Variants in CDK12 observed in about 807,000 individuals in gnomAD.
The protein encoded by CDK12 is cyclin-dependent kinase 12.
Under a neutral mutation model 133.8 loss-of-function variants are expected in CDK12, and 17 were observed. That is an observed-to-expected ratio of 0.13 (90% CI 0.09 to 0.19). The LOEUF is 0.19. Ranked by LOEUF, CDK12 falls within the 10% of genes least tolerant of loss-of-function variation. The probability of loss-of-function intolerance (pLI) is 1.00; values close to 1 mark genes in which losing one functional copy is unlikely to be tolerated. For synonymous variants in CDK12, 694 were observed against 683.6 expected, an observed-to-expected ratio of 1.02 and a Z score of -0.24; for missense variants, 1,508 against 1,818.7, an observed-to-expected ratio of 0.83 and a Z score of 3.11.
At chr17:39,530,446 A>G in intron 13 of CDK12, 158 bp from the exon 14 acceptor site, 1 of 1,057,768 alleles carries the variant, frequency 9.5e-7, no homozygotes, top group Non-Finnish European at 1.3e-6. Flanking sequence ...TAATCACTTG[A>G]TTTATTTATA....
At chr17:39,475,753 G>A (rs1005223049) in intron 2 of CDK12, among the ~76,000 whole-genome samples, 1 of 151,548 alleles carries the variant, frequency 6.6e-6, no homozygotes, top group African/African-American at 2.4e-5. Context: ...CACCATGTTG[G>A]CCAGGCTGGT....
chr17:39,513,789 GAA>G (rs1339942202), intron 8 of CDK12, among the ~76,000 whole-genome samples: 1 of 152,160 alleles, frequency 6.6e-6, no homozygotes, highest in Non-Finnish European at 1.5e-5. Flanking sequence ...GTTTTGATGT[GAA>G]CTTACTACTT....
In CDK12 at chr17:39,472,535, G is replaced by A. The variant is rs61229418; in HGVS notation, c.1931+772G>A. ...CTAAAGATACAAAAATTAGCTGGGC[G>A]TGGTGGTGGGCCCCTGTAATCCCAG... On this transcript the variant is annotated intron_variant, in intron 2 of 13. Transcript: ENST00000447079. Among the ~76,000 whole-genome samples, 6 of 151,778 alleles carry A rather than the reference G, an allele frequency of 4.0e-5. No homozygotes were observed. In the South Asian group the frequency reaches 1.3e-3, roughly 32 times the overall value.
At chr17:39,517,595 G>C in intron 10 of CDK12, 39 bp downstream of exon 10, 1 of 1,266,648 alleles carries the variant, frequency 7.9e-7, no homozygotes, top group East Asian at 2.3e-5. Flanking sequence ...TTCTGTGTCT[G>C]GCTGGTGTTG....
chr17:39,498,874 T>C (rs940912727), intron 5 of CDK12, among the ~76,000 whole-genome samples: 1 of 414 alleles, frequency 2.4e-3, no homozygotes, highest in African/African-American at 5.7e-3. Flanking sequence ...TATGATTTTC[T>C]CTTTCTTTCT....
At chr17:39,558,495 T>A (rs1003670697) in intron 3 of CDK12, among the ~76,000 whole-genome samples, 1 of 152,192 alleles carries the variant, frequency 6.6e-6, no homozygotes, top group Non-Finnish European at 1.5e-5. Context: ...TTTTTTAAAG[T>A]ATGTTTAAAG....
intron 2 of CDK12, among the ~76,000 whole-genome samples, chr17:39,478,841 A>T (rs573451270): frequency 1.3e-5 from 2 of 151,524 alleles, no homozygotes; most frequent in African/African-American, 4.8e-5. Context: ...TGAGATGAGG[A>T]TGTCTTCCAT....
chr17:39,476,436 TGAGATG>T (rs1177901338), intron 2 of CDK12, among the ~76,000 whole-genome samples: 1 of 151,988 alleles, frequency 6.6e-6, no homozygotes, highest in Non-Finnish European at 1.5e-5. Flanking sequence ...ATTTATTTTT[TGAGATG>T]GAATTTTTGC....
intron 1 of CDK12, among the ~76,000 whole-genome samples, chr17:39,541,621 C>T (rs1003997001): frequency 7.6e-6 from 1 of 131,430 alleles, no homozygotes; most frequent in Non-Finnish European, 1.7e-5. Context: ...TCCCAAAGTG[C>T]TGGGATTACA....
chr17:39,490,693 GC>G lies in CDK12; in HGVS notation c.2069del (p.Ala690GlufsTer63). The G allele has an allele frequency of 6.2e-7, 1 of 1,613,392 alleles. No individual in the cohort carries two copies. The highest frequency in any genetic ancestry group is 2.2e-5 in the East Asian group (1 of 44,860). On this transcript the variant is annotated frameshift_variant, in exon 3 of 14. Transcript: ENST00000447079. LOFTEE classifies it high-confidence loss of function. ...LSPPDSPEPK[A>X]ITPPQQPYKK... is the part of the protein sequence containing the mutation. ...TCCCCCAGACTCTCCAGAACCAAAG[GC>G]AATCACACCACCTCAGCAACCATAT...
Position 39,461,998 on chromosome 17 carries a change from T to A in CDK12, c.-74T>A. 1.0e-6 allele frequency: 1 copy of A among 962,732 alleles called. No homozygotes were observed. The highest frequency in any genetic ancestry group is 1.6e-5 in the South Asian group (1 of 61,482). The allele number at this position is 962,732 out of a possible 1,614,324, so 59.6% of individuals were successfully genotyped here. ...GCTTTGGTGGGCGTGGAGTTGGGGT[T>A]GGGGGGGTGGGTGGGGGTTGCTTTT... On this transcript the variant is annotated 5_prime_UTR_variant, in exon 1 of 14. Coordinates refer to ENST00000447079, the MANE Select transcript of CDK12 (RefSeq NM_016507.4).
In CDK12 at chr17:39,461,899, A is replaced by T; in HGVS notation, c.-173A>T. ...CTCCTTCACCCCCCACCTCATGTAGAAGGGTGCTGAGGCGTCGGGAGGGAG... is the reference window on the plus strand; with the variant it reads ...CTCCTTCACCCCCCACCTCATGTAGTAGGGTGCTGAGGCGTCGGGAGGGAG... On this transcript the variant is annotated 5_prime_UTR_variant, in exon 1 of 14. Coordinates refer to ENST00000447079, the MANE Select transcript of CDK12 (RefSeq NM_016507.4). The T allele has an allele frequency of 1.7e-6, 1 of 604,352 alleles. No individual in the cohort carries two copies. Among genetic ancestry groups the T allele is most frequent in the Non-Finnish European group, 3.0e-6 (1 of 337,648 alleles). The allele number at this position is 604,352 out of a possible 1,614,324, so 37.4% of individuals were successfully genotyped here. A position where few individuals can be genotyped will look rare whatever the true frequency, so the allele number is the denominator to read the frequency against.
At chr17:39,468,354 G>A (rs1425419707) in intron 1 of CDK12, among the ~76,000 whole-genome samples, 1 of 152,146 alleles carries the variant, frequency 6.6e-6, no homozygotes, top group South Asian at 2.1e-4. Flanking sequence ...CTATATGTCA[G>A]TCTTACCATA....
downstream of CDK12, among the ~76,000 whole-genome samples, chr17:39,536,947 G>T (rs1305022036): frequency 1.3e-5 from 2 of 152,146 alleles, no homozygotes; most frequent in African/African-American, 4.8e-5. Flanking sequence ...ACCTGTAAAT[G>T]GATGGACTTT....
downstream of CDK12, among the ~76,000 whole-genome samples, chr17:39,538,829 G>A (rs1295004114): frequency 6.6e-6 from 1 of 152,132 alleles, no homozygotes; most frequent in Non-Finnish European, 1.5e-5. Context: ...AACCCAGGAG[G>A]TGGAGGTTGC....
At chr17:39,522,468 T>C (rs1441153927) in intron 11 of CDK12, among the ~76,000 whole-genome samples, 2 of 150,006 alleles carry the variant, frequency 1.3e-5, no homozygotes, top group East Asian at 4.0e-4. Context: ...GGTCTCTCAC[T>C]CTGTCACCCA....
At chr17:39,479,878 T>A (rs2050497992) in intron 2 of CDK12, among the ~76,000 whole-genome samples, 1 of 151,268 alleles carries the variant, frequency 6.6e-6, no homozygotes, top group Non-Finnish European at 1.5e-5. Context: ...CCACCCACCT[T>A]GGCCTCCCAA....
At chr17:39,558,385 C>T (rs888478501) in intron 3 of CDK12, among the ~76,000 whole-genome samples, 2 of 152,172 alleles carry the variant, frequency 1.3e-5, no homozygotes, top group East Asian at 1.9e-4. Flanking sequence ...CTTTACAGTT[C>T]GTTAATTACA....
chr17:39,566,589 T>C (rs1420648730), downstream of CDK12, among the ~76,000 whole-genome samples: 1 of 152,160 alleles, frequency 6.6e-6, no homozygotes, highest in African/African-American at 2.4e-5. Context: ...CCCCCTTCTC[T>C]GCACCTCTTC....
Sources: gnomAD v4.1 joint callset for allele counts (sites outside exome capture counted in the v4.1 genomes callset) on GRCh38, gnomAD v4.1.1 for gene constraint, MANE v1.5 for transcripts, NCBI Gene and HGNC (gene_info 2026-07-23, HGNC 2026-07-21) for gene names.